The following TRIOBP variants were observed in gnomAD, a reference collection of about 807,000 sequenced individuals.
TRIOBP encodes TRIO and F-actin binding protein.
Under a neutral mutation model 238.8 loss-of-function variants are expected in TRIOBP, and 169 were observed. The observed-to-expected ratio is 0.71, with a 90% confidence interval of 0.62 to 0.80. The LOEUF is 0.80. TRIOBP is among the 30% of genes least tolerant of loss of function. The probability of loss-of-function intolerance (pLI) is 0.00; values close to 1 mark genes in which losing one functional copy is unlikely to be tolerated. For synonymous variants in TRIOBP, 1,150 were observed against 1,274.4 expected, an observed-to-expected ratio of 0.90 and a Z score of 2.08; for missense variants, 2,838 against 3,122.6, an observed-to-expected ratio of 0.91 and a Z score of 2.17.
intron 11 of TRIOBP, among the ~76,000 whole-genome samples, chr22:37,748,153 C>T (rs1244858126): frequency 6.6e-6 from 1 of 152,080 alleles, no homozygotes; most frequent in Non-Finnish European, 1.5e-5. Flanking sequence ...TGGACAGGGG[C>T]AATAGAGAGC....
intron 23 of TRIOBP, among the ~76,000 whole-genome samples, chr22:37,773,410 G>A (rs1328282587): frequency 6.6e-6 from 1 of 152,076 alleles, no homozygotes; most frequent in Non-Finnish European, 1.5e-5. Flanking sequence ...GTATAGGTGG[G>A]GTTTCGCCGT....
chr22:37,714,494 C>T (rs1438778888), intron 5 of TRIOBP, among the ~76,000 whole-genome samples: 1 of 152,160 alleles, frequency 6.6e-6, no homozygotes, highest in Admixed American at 6.5e-5. Context: ...CATGGTGAAA[C>T]TCTGTCTCTA....
rs766058467 is a variant in TRIOBP at position 37,724,919 on chromosome 22, G to A, written c.2363G>A (p.Arg788Gln). 4.4e-6 allele frequency: 7 copies of A among 1,598,764 alleles called. No homozygotes were observed. The highest frequency in any genetic ancestry group is 2.8e-5 in the African/African-American group (2 of 70,192). The stretch of plus-strand genomic sequence containing the variant: ...ACCTCCTCTCCCAATAGAGCCACAC[G>A]AGACAACCCCAGAACATCCTGTGCC... ...PRTSSPNRAT[R>Q]DNPRTSCAQR... Residue 788 changes from arginine to glutamine, a missense_variant, in exon 7 of 24, where the codon CGA becomes CAA. Coordinates refer to ENST00000644935, the MANE Select transcript of TRIOBP (RefSeq NM_001039141.3).
At chr22:37,699,084 T>G (rs1420474067) in intron 2 of TRIOBP, among the ~76,000 whole-genome samples, 1 of 151,814 alleles carries the variant, frequency 6.6e-6, no homozygotes, top group Admixed American at 6.6e-5. Context: ...GAGGTTGCAG[T>G]GAGCCGAGTG....
intron 17 of TRIOBP, 164 bp downstream of exon 17, chr22:37,759,428 G>A: frequency 7.4e-7 from 1 of 1,355,500 alleles, no homozygotes; most frequent in Non-Finnish European, 1.1e-6. Context: ...TGGTGGGCGT[G>A]ATCACTGTGC....
At position 37,774,875 on chromosome 22, in the gene TRIOBP, T is replaced by G. The variant is rs1182739785; in HGVS notation, c.*1095T>G. ...AGAGGCCTGGGGCTAAGACTAGCCC[T>G]GACCATGACCTTGGGCAAGTCACAC... is the stretch of plus-strand genomic sequence containing the variant. On this transcript the variant is annotated 3_prime_UTR_variant, in exon 24 of 24. Transcript: ENST00000644935. 1.3e-5 allele frequency: 2 copies of G among 152,272 alleles called. No individual in the cohort carries two copies. Among genetic ancestry groups the G allele is most frequent in the East Asian group, 1.9e-4 (1 of 5,200 alleles). 9.4% of individuals were successfully genotyped at this position (152,272 alleles called of 1,614,324 possible).
At chr22:37,698,504 C>T (rs1366396143) in intron 2 of TRIOBP, among the ~76,000 whole-genome samples, 1 of 151,342 alleles carries the variant, frequency 6.6e-6, no homozygotes, top group South Asian at 2.1e-4. Context: ...CAGGCATGCG[C>T]ACCACGCCCA....
In TRIOBP at chr22:37,723,352, A is replaced by G; in HGVS notation, c.796A>G (p.Thr266Ala). ...TSQASPAQRDTAQAASTREIP... is the reference protein window; with the variant it reads ...TSQASPAQRDAAQAASTREIP... ...TCAGGCTTCTCCTGCCCAAAGGGAC[A>G]CTGCTCAGGCTGCCTCTACACGTGA... is the stretch of plus-strand genomic sequence containing the variant. The change falls in exon 7 of 24, where the codon ACT (threonine) becomes GCT (alanine). Residue 266 changes from threonine (T) to alanine (A), a missense_variant. Thr to Ala is a moderately conservative substitution (Grantham distance 58). Transcript: ENST00000644935. 6.2e-7 allele frequency: 1 copy of G among 1,614,062 alleles called. No homozygotes were observed. The highest frequency in any genetic ancestry group is 8.5e-7 in the Non-Finnish European group (1 of 1,179,978).
chr22:37,763,165 G>A (rs1254672993), intron 17 of TRIOBP, among the ~76,000 whole-genome samples: 1 of 152,304 alleles, frequency 6.6e-6, no homozygotes, highest in South Asian at 2.1e-4. Context: ...CCCCCACATT[G>A]CTGGGCTCCC....
At chr22:37,742,600 C>T (rs1241658649) in intron 11 of TRIOBP, among the ~76,000 whole-genome samples, 2 of 152,160 alleles carry the variant, frequency 1.3e-5, no homozygotes, top group Non-Finnish European at 2.9e-5. Context: ...GTTAAGGCAC[C>T]GAGGGTGAGC....
Position 37,725,597 on chromosome 22 carries a change from G to C in TRIOBP, c.3041G>C (p.Cys1014Ser). 6.2e-7 allele frequency: 1 copy of C among 1,613,878 alleles called. No homozygotes were observed. The highest frequency in any genetic ancestry group is 8.5e-7 in the Non-Finnish European group (1 of 1,179,982). Reference protein sequence around the residue: ...LTSPEPSQPPCAVCIGHRDAP... With the variant: ...LTSPEPSQPPSAVCIGHRDAP... ...TCTCCTGAGCCCTCCCAGCCTCCAT[G>C]TGCTGTGTGCATTGGGCACCGGGAT... The change falls in exon 7 of 24, where the codon TGT becomes TCT. Residue 1014 changes from cysteine to serine, a missense_variant. Physicochemically the swap from Cys to Ser is moderately radical, Grantham distance 112. This residue lies in a region of TRIOBP where 2,096 missense variants were observed against 2,137.4 expected (regional missense o/e 0.98). Coordinates refer to ENST00000644935, the MANE Select transcript of TRIOBP (RefSeq NM_001039141.3).
intron 16 of TRIOBP, 106 bp downstream of exon 16, chr22:37,758,244 C>A: frequency 7.0e-7 from 1 of 1,420,882 alleles, no homozygotes; most frequent in Non-Finnish European, 9.7e-7. Context: ...TGATGGGGAG[C>A]TCACCCCTGA....
chr22:37,710,575 A>T lies in TRIOBP; in HGVS notation c.254+9A>T, dbSNP rs1404880679. On this transcript the variant is annotated intron_variant, in intron 4 of 23. Transcript: ENST00000644935. The stretch of plus-strand genomic sequence containing the variant: ...AGGCCAGGGCCCAAGAGGTGGGTAG[A>T]GTCCCAGGGCCCAGGAAGGGCTTCA... The T allele has an allele frequency of 1.2e-6, 2 of 1,608,114 alleles. No individual in the cohort carries two copies. Among genetic ancestry groups the T allele is most frequent in the Non-Finnish European group, 8.5e-7 (1 of 1,179,124 alleles).
At chr22:37,729,628 T>G (rs1022773040) in intron 7 of TRIOBP, among the ~76,000 whole-genome samples, 1 of 152,226 alleles carries the variant, frequency 6.6e-6, no homozygotes, top group Non-Finnish European at 1.5e-5. Context: ...TTCAGAGAGA[T>G]AAGGTGTTTA....
At chr22:37,716,361 C>A (rs970874567) in intron 6 of TRIOBP, among the ~76,000 whole-genome samples, 1 of 151,990 alleles carries the variant, frequency 6.6e-6, no homozygotes, top group Non-Finnish European at 1.5e-5. Flanking sequence ...ATCTGCCCAT[C>A]TTGGCCTCCT....
At chr22:37,712,254 G>A (rs553959064) in intron 4 of TRIOBP, among the ~76,000 whole-genome samples, 8 of 152,134 alleles carry the variant, frequency 5.3e-5, no homozygotes, top group African/African-American at 1.7e-4. Context: ...ATGACACGAT[G>A]TTGGCTCACT....
intron 12 of TRIOBP, among the ~76,000 whole-genome samples, chr22:37,753,340 C>T (rs1284752805): frequency 2.6e-5 from 4 of 151,972 alleles, no homozygotes; most frequent in East Asian, 1.9e-4. Context: ...AGTGGCGCAA[C>T]CTCGGCTCAC....
chr22:37,725,661 C>A lies in TRIOBP; in HGVS notation c.3105C>A (p.His1035Gln), dbSNP rs571174817. Reference protein sequence around the residue: ...RASSPPRYLQHDPFPFFPEPR... With the variant: ...RASSPPRYLQQDPFPFFPEPR... ...CTTCGCCCCCTCGCTATTTGCAGCA[C>A]GACCCCTTCCCCTTCTTCCCAGAGC... The change falls in exon 7 of 24, where the codon CAC (histidine) becomes CAA (glutamine). Residue 1035 changes from histidine (H) to glutamine (Q), a missense_variant. This residue lies in a region of TRIOBP where 2,096 missense variants were observed against 2,137.4 expected (regional missense o/e 0.98). Coordinates refer to ENST00000644935, the MANE Select transcript of TRIOBP (RefSeq NM_001039141.3). 6.2e-7 allele frequency: 1 copy of A among 1,611,200 alleles called. No individual in the cohort carries two copies. Among genetic ancestry groups the A allele is most frequent in the Non-Finnish European group, 8.5e-7 (1 of 1,179,046 alleles).
Position 37,735,097 on chromosome 22 carries a change from G to GGGC in TRIOBP, c.4761_4762insGGC (p.Glu1587_Leu1588insGly), listed in dbSNP as rs1242170427. 1 of 1,607,070 alleles carries GGGC rather than the reference G, an allele frequency of 6.2e-7. No homozygotes were observed. Among genetic ancestry groups the GGGC allele is most frequent in the South Asian group, 1.1e-5 (1 of 90,958 alleles). On this transcript the variant is annotated inframe_insertion, in exon 9 of 24. Coordinates refer to ENST00000644935, the MANE Select transcript of TRIOBP (RefSeq NM_001039141.3). The stretch of plus-strand genomic sequence containing the variant: ...GCCTGGACTGGGAGGGCCTCTTGGA[G>GGGC]CTCCTGCAGGCCAGGCTGCCCCGCA...
Sources: allele counts gnomAD v4.1 joint callset (sites outside exome capture counted in the v4.1 genomes callset), GRCh38; gene constraint gnomAD v4.1.1; regional missense constraint gnomAD v4.1.1; transcripts MANE v1.5; gene names NCBI Gene and HGNC (gene_info 2026-07-23, HGNC 2026-07-21).